RTN4RL1: variants seen among roughly 807,000 people sequenced by gnomAD.
RTN4RL1 encodes the protein reticulon 4 receptor like 1, also known as reticulon-4 receptor-like 1.
In RTN4RL1, 7 loss-of-function variants were observed where a neutral mutation model predicts 25.6. The ratio of observed to expected loss-of-function variants is 0.27; its 90% CI spans 0.16 to 0.51. The LOEUF (loss-of-function observed/expected upper bound fraction) is 0.51, where lower values mean the gene tolerates loss of function less well. RTN4RL1 is among the 20% of genes least tolerant of loss of function. The pLI is 0.97. For synonymous variants in RTN4RL1, 297 were observed against 288.2 expected (o/e 1.03, Z -0.31); for missense variants, 500 against 615.6 (o/e 0.81, Z 1.99).
At chr17:2,007,138 C>A (rs1261482298) in intron 1 of RTN4RL1, among the ~76,000 whole-genome samples, 1 of 152,044 alleles carries the variant, frequency 6.6e-6, no homozygotes, top group Non-Finnish European at 1.5e-5. Context: ...AGTTGAAAGT[C>A]TACAAATACA....
At chr17:1,980,471 G>A (rs73290070) in intron 1 of RTN4RL1, among the ~76,000 whole-genome samples, 2,406 of 152,076 alleles carry the variant, frequency 0.016, 63 homozygotes, top group African/African-American at 0.055. Context: ...TCGGCTATTC[G>A]GTGGAGAGCA....
intron 1 of RTN4RL1, among the ~76,000 whole-genome samples, chr17:1,996,647 G>A (rs1275032139): frequency 1.3e-5 from 2 of 152,214 alleles, no homozygotes; most frequent in African/African-American, 4.8e-5. Context: ...CCAATGAAAT[G>A]GTTCTGGGTA....
At chr17:2,018,548 G>A (rs886442267) in intron 1 of RTN4RL1, among the ~76,000 whole-genome samples, 8 of 152,180 alleles carry the variant, frequency 5.3e-5, no homozygotes, top group Admixed American at 2.0e-4. Flanking sequence ...AATCAGCAGC[G>A]CCCAGCGCCC....
chr17:1,944,500 G>C (rs2151305565), intron 1 of RTN4RL1, among the ~76,000 whole-genome samples: 1 of 152,244 alleles, frequency 6.6e-6, no homozygotes, highest in South Asian at 2.1e-4. Flanking sequence ...CTGTCCCCCA[G>C]GCTGGAGTGC....
At chr17:1,944,663 G>A (rs542309621) in intron 1 of RTN4RL1, among the ~76,000 whole-genome samples, 5 of 151,920 alleles carry the variant, frequency 3.3e-5, no homozygotes, top group Admixed American at 3.3e-4. Context: ...CGTCATGTTG[G>A]CCAGGCTGGT....
chr17:1,983,990 T>C (rs545474627), intron 1 of RTN4RL1, among the ~76,000 whole-genome samples: 219 of 152,312 alleles, frequency 1.4e-3, no homozygotes, highest in Non-Finnish European at 2.8e-3. Context: ...GAATAAGGGC[T>C]GGCCGGAGCC....
At chr17:1,947,203 CGT>C (rs1567506083) in intron 1 of RTN4RL1, among the ~76,000 whole-genome samples, 1 of 152,152 alleles carries the variant, frequency 6.6e-6, no homozygotes, top group East Asian at 1.9e-4. Context: ...TGTGTGTGCA[CGT>C]GTGTCTGCGC....
At chr17:1,954,254 T>TA (rs1433325469) in intron 1 of RTN4RL1, among the ~76,000 whole-genome samples, 9 of 151,966 alleles carry the variant, frequency 5.9e-5, no homozygotes, top group East Asian at 3.8e-4. Flanking sequence ...TGCTTACTAC[T>TA]AAAAAAAAGT....
At chr17:1,964,135 A>T (rs1028413059) in intron 1 of RTN4RL1, among the ~76,000 whole-genome samples, 1 of 152,230 alleles carries the variant, frequency 6.6e-6, no homozygotes, top group Non-Finnish European at 1.5e-5. Flanking sequence ...TGCGCTGTCC[A>T]GCATAGTAGC....
intron 1 of RTN4RL1, among the ~76,000 whole-genome samples, chr17:1,991,546 T>C (rs1052621935): frequency 6.6e-6 from 1 of 152,050 alleles, no homozygotes; most frequent in African/African-American, 2.4e-5. Flanking sequence ...AGGCCCCAGT[T>C]TCTTTCTTCA....
rs185242288 is a variant in RTN4RL1, at chr17:1,958,683, C to T, written c.14-20875G>A. Among the ~76,000 whole-genome samples the T allele has an allele frequency of 4.6e-5, 7 of 152,352 alleles. No individual in the cohort carries two copies. The East Asian group carries it at 1.2e-3, about 25-fold the overall frequency. On this transcript the variant is annotated intron_variant, in intron 1 of 1. Transcript: ENST00000331238. ...GCTAAAGAAACAGTTCCGGCAGGAT[C>T]GTGCAGCAGCTGAGGCAGGCAGCTG...
At position 1,942,321 on chromosome 17, in the gene RTN4RL1, G is replaced by A. The variant is rs368072525; in HGVS notation, c.14-4513C>T. 2.8e-4 allele frequency among the ~76,000 whole-genome samples: 42 copies of A among 152,248 alleles called. No individual in the cohort carries two copies. In the East Asian group the frequency reaches 6.8e-3, roughly 25 times the overall value. ...ATTCAACACTTGCTGCCTGAGCCCCGGGGTGTGGGGGGTGCCAGTGGGGAG... is the reference window on the plus strand; with the variant it reads ...ATTCAACACTTGCTGCCTGAGCCCCAGGGTGTGGGGGGTGCCAGTGGGGAG... On this transcript the variant is annotated intron_variant, in intron 1 of 1. Transcript: ENST00000331238.
At chr17:2,023,784 A>G (rs1443028506) in intron 1 of RTN4RL1, 2 of 151,936 alleles carry the variant, frequency 1.3e-5, no homozygotes, top group Non-Finnish European at 2.9e-5. Flanking sequence ...TGCCATGGAA[A>G]CAGGGGCGGA....
chr17:2,006,916 C>A (rs149063888), intron 1 of RTN4RL1, among the ~76,000 whole-genome samples: 8 of 152,156 alleles, frequency 5.3e-5, no homozygotes, highest in Admixed American at 2.6e-4. Context: ...AGCCACTGTG[C>A]CCGGCCTTTT....
intron 1 of RTN4RL1, among the ~76,000 whole-genome samples, chr17:1,938,448 C>T (rs4790293): frequency 0.54 from 81,473 of 151,370 alleles, 22,862 homozygotes; most frequent in Middle Eastern, 0.67. Flanking sequence ...ATTATAGGTG[C>T]GCACCATCAC....
At chr17:1,942,689 A>T (rs1473788415) in intron 1 of RTN4RL1, among the ~76,000 whole-genome samples, 1 of 152,056 alleles carries the variant, frequency 6.6e-6, no homozygotes, top group Non-Finnish European at 1.5e-5. Context: ...CAAATCCCCA[A>T]GTCCCTGCTT....
chr17:1,985,166 A>G lies in RTN4RL1; in HGVS notation c.13+39687T>C, dbSNP rs150568502. 1.1e-3 allele frequency among the ~76,000 whole-genome samples: 163 copies of G among 152,294 alleles called. No individual in the cohort carries two copies. The East Asian group carries it at 0.03, about 28-fold the overall frequency. On this transcript the variant is annotated intron_variant, in intron 1 of 1. Transcript: ENST00000331238. ...AGGAACTTCCAGGAAGGTGTTTGGCAAGTGGTGGGGATTGGATTTGAACCT... is the reference window on the plus strand; with the variant it reads ...AGGAACTTCCAGGAAGGTGTTTGGCGAGTGGTGGGGATTGGATTTGAACCT...
intron 1 of RTN4RL1, among the ~76,000 whole-genome samples, chr17:1,964,340 CT>C: frequency 6.6e-6 from 1 of 152,176 alleles, no homozygotes. Context: ...GGAATCCCAG[CT>C]CTTTGAGAGG....
intron 1 of RTN4RL1, among the ~76,000 whole-genome samples, chr17:1,973,351 G>C (rs916083182): frequency 1.3e-4 from 19 of 144,452 alleles, no homozygotes; most frequent in African/African-American, 4.9e-4. Context: ...GGGCAATAGT[G>C]TGAGACACTG....
Sources: allele counts gnomAD v4.1 joint callset (sites outside exome capture counted in the v4.1 genomes callset), GRCh38; gene constraint gnomAD v4.1.1; transcripts MANE v1.5; gene names NCBI Gene and HGNC (gene_info 2026-07-23, HGNC 2026-07-21).